Variants in FADS2 observed in about 807,000 individuals in gnomAD.
FADS2 encodes the protein fatty acid desaturase 2.
A neutral mutation model predicts 61.2 loss-of-function variants in FADS2; 18 were observed. The ratio of observed to expected loss-of-function variants is 0.29; its 90% CI spans 0.20 to 0.44. The LOEUF (loss-of-function observed/expected upper bound fraction) is 0.44, where lower values mean the gene tolerates loss of function less well. Ranked by LOEUF, FADS2 falls within the 20% of genes least tolerant of loss-of-function variation. FADS2 has a pLI of 1.00. For synonymous variants in FADS2, 203 were observed against 223.9 expected (o/e 0.91, Z 0.83); for missense variants, 322 against 572.7 (o/e 0.56, Z 4.47).
chr11:61,824,479 AG>A (rs1387986589), upstream of FADS2, among the ~76,000 whole-genome samples: 57 of 7,330 alleles, frequency 7.8e-3, 8 homozygotes, highest in Non-Finnish European at 0.035. Context: ...AGAGAGAGAG[AG>A]AGAGAGAGAG....
At chr11:61,832,850 T>A (rs1232006917) in intron 1 of FADS2, among the ~76,000 whole-genome samples, 1 of 152,238 alleles carries the variant, frequency 6.6e-6, no homozygotes, top group Non-Finnish European at 1.5e-5. Context: ...GCCCTGTGCT[T>A]GCCCGTGCTG....
chr11:61,847,834 C>A (rs1450202060), intron 4 of FADS2: 5 of 341,840 alleles, frequency 1.5e-5, no homozygotes, highest in South Asian at 1.4e-4. Context: ...TGGTTCCACA[C>A]CTGGTGACGG....
At chr11:61,824,483 A>G (rs2067061783), upstream of FADS2, among the ~76,000 whole-genome samples, 8 of 9,688 alleles carry the variant, frequency 8.3e-4, no homozygotes, top group Middle Eastern at 0.1. Context: ...AGAGAGAGAG[A>G]GAGAGAGAAA....
intron 1 of FADS2, among the ~76,000 whole-genome samples, chr11:61,834,826 G>A (rs999801197): frequency 4.6e-5 from 7 of 152,066 alleles, no homozygotes; most frequent in Non-Finnish European, 1.0e-4. Context: ...CCTGACTTTG[G>A]CAGCTCCTCC....
chr11:61,825,938 G>A, upstream of FADS2: 1 of 626,322 alleles, frequency 1.6e-6, no homozygotes, highest in East Asian at 2.7e-5. Context: ...TGTCCAGTGT[G>A]GGGTCAGCCC....
intron 1 of FADS2, among the ~76,000 whole-genome samples, chr11:61,836,018 C>T (rs2067171276): frequency 6.6e-6 from 1 of 152,176 alleles, no homozygotes; most frequent in Admixed American, 6.5e-5. Flanking sequence ...ATTCAACTCC[C>T]GAAAAACCTG....
rs749035931 is a variant in FADS2 at position 61,816,783 on chromosome 11, C to G, written c.141+357C>G. The G allele has an allele frequency of 2.0e-6, 3 of 1,518,044 alleles. No homozygotes were observed. Among genetic ancestry groups the G allele is most frequent in the African/African-American group, 1.4e-5 (1 of 70,626 alleles). The allele number at this position is 1,518,044 out of a possible 1,614,324, so 94.0% of individuals were successfully genotyped here. ...TAGCTGGCCTGGCGACGCCGCGCGC[C>G]GGGCCAGCAGGGGCTGTCAGGCGCG... On this transcript the variant is annotated intron_variant, in intron 1 of 11. Transcript: ENST00000257261. This position sits in a 1 kb window ranked among gnomAD's most constrained non-coding sequence, Gnocchi z 7.0.
intron 5 of FADS2, chr11:61,855,178 T>G (rs1055500980): frequency 6.6e-6 from 1 of 152,484 alleles, no homozygotes; most frequent in African/African-American, 2.4e-5. Flanking sequence ...CTGCCTGGGT[T>G]GCCCTCTGTG....
upstream of FADS2, among the ~76,000 whole-genome samples, chr11:61,825,433 C>T (rs1333767091): frequency 6.6e-6 from 1 of 152,014 alleles, no homozygotes; most frequent in Admixed American, 6.6e-5. Context: ...GCCTGGCCAA[C>T]ATGGTGAAAC....
At chr11:61,826,374 A>C (rs746080325), upstream of FADS2, 16 of 702,570 alleles carry the variant, frequency 2.3e-5, no homozygotes, top group Middle Eastern at 1.8e-3. Flanking sequence ...CAGGCCACCC[A>C]TACGTGCTCC....
At chr11:61,844,164 G>T (rs554430758) in intron 4 of FADS2, among the ~76,000 whole-genome samples, 3 of 152,138 alleles carry the variant, frequency 2.0e-5, no homozygotes, top group Admixed American at 6.5e-5. Context: ...CAATGAAGAA[G>T]TTGATGTATT....
chr11:61,846,931 C>A (rs183147209), intron 4 of FADS2: 5 of 150,622 alleles, frequency 3.3e-5, no homozygotes, highest in Non-Finnish European at 5.9e-5. Flanking sequence ...CTCTCCAAAT[C>A]GTTTATTGAG....
At chr11:61,822,584 G>C (rs1255696319) in intron 1 of FADS2, among the ~76,000 whole-genome samples, 1 of 152,200 alleles carries the variant, frequency 6.6e-6, no homozygotes, top group Admixed American at 6.5e-5. Context: ...TGGGAGAAGG[G>C]AGGCCTGGGT....
rs1055980616 is a variant in FADS2, at chr11:61,866,866, G to A, written c.*1177G>A. On this transcript the variant is annotated 3_prime_UTR_variant, in exon 12 of 12. Transcript: ENST00000278840. ...CACATGGCCTTGCCTCGGTGGCCCTGACTGTCAGGGAGGGCCAGGGAGGCA... is the reference window on the plus strand; with the variant it reads ...CACATGGCCTTGCCTCGGTGGCCCTAACTGTCAGGGAGGGCCAGGGAGGCA... 6.6e-6 allele frequency: 1 copy of A among 152,540 alleles called. No individual in the cohort carries two copies. Among genetic ancestry groups the A allele is most frequent in the Non-Finnish European group, 1.5e-5 (1 of 68,210 alleles). The allele number at this position is 152,540 out of a possible 1,614,324, so 9.4% of individuals were successfully genotyped here.
At position 61,828,616 on chromosome 11, in the gene FADS2, C is replaced by A. The variant is rs1310118551; in HGVS notation, c.207+19C>A. The A allele has an allele frequency of 1.2e-6, 2 of 1,601,440 alleles. No homozygotes were observed. Among genetic ancestry groups the A allele is most frequent in the Admixed American group, 3.4e-5 (2 of 59,264 alleles). ...TGCAACGGTAAGGGTCTGGGGGCGC[C>A]CCAGCCACCCTTCTCTGCTGCAGGC... On this transcript the variant is annotated intron_variant, in intron 1 of 11. Transcript: ENST00000278840. This position sits in a 1 kb window ranked among gnomAD's most constrained non-coding sequence, Gnocchi z 6.4.
upstream of FADS2, chr11:61,826,054 A>G: frequency 2.8e-6 from 2 of 702,438 alleles, no homozygotes; most frequent in Non-Finnish European, 5.2e-6. Context: ...ATCCCAGTCC[A>G]GCCCCAGCCT....
rs1206817038 is a variant in FADS2 at position 61,840,534 on chromosome 11, G to A, written c.516+3G>A. On this transcript the variant is annotated splice_donor_region_variant and intron_variant, in intron 3 of 11. Transcript: ENST00000278840. ...CCTTTGTCCTTGCTACCTCTCAGGT[G>A]AGGCGTGACACCCTCACTTCCCCTA... 1.2e-6 allele frequency: 2 copies of A among 1,614,156 alleles called. No homozygotes were observed. Among genetic ancestry groups the A allele is most frequent in the South Asian group, 2.2e-5 (2 of 91,078 alleles).
chr11:61,860,088 T>C (rs1016012700), intron 7 of FADS2, among the ~76,000 whole-genome samples: 1 of 152,236 alleles, frequency 6.6e-6, no homozygotes, highest in Non-Finnish European at 1.5e-5. Context: ...AGCGCACCTA[T>C]GACCTGGGGC....
chr11:61,837,273 T>C (rs2067181748), intron 1 of FADS2, among the ~76,000 whole-genome samples: 1 of 152,248 alleles, frequency 6.6e-6, no homozygotes, highest in South Asian at 2.1e-4. Flanking sequence ...TGTGTTTATT[T>C]TTTTATTTAC....
Sources: gnomAD v4.1 joint callset for allele counts (sites outside exome capture counted in the v4.1 genomes callset) on GRCh38, gnomAD v4.1.1 for gene constraint, Gnocchi (gnomAD v3.1) non-coding constraint, MANE v1.5 for transcripts, NCBI Gene and HGNC (gene_info 2026-07-23, HGNC 2026-07-21) for gene names.